Variants in RALYL observed in about 807,000 individuals in gnomAD.
RALYL encodes RNA-binding Raly-like protein.
RALYL carries 29 observed loss-of-function variants against 35.1 expected under a neutral mutation model. The ratio of observed to expected loss-of-function variants is 0.83; its 90% CI spans 0.61 to 1.13. RALYL has a LOEUF of 1.13. Among genes scored for constraint, RALYL ranks in the 50% most tolerant of loss-of-function variants. The pLI is 0.00. For missense variants in RALYL, 359 were observed against 360.4 expected (o/e 1.00, Z 0.03); for synonymous variants, 120 against 127.6 (o/e 0.94, Z 0.40).
At chr8:84,591,066 C>A (rs975378740) in intron 2 of RALYL, among the ~76,000 whole-genome samples, 1 of 152,032 alleles carries the variant, frequency 6.6e-6, no homozygotes. Context: ...TTAGAACATG[C>A]CGAAAGCATT....
At chr8:84,632,048 T>C (rs1460961840) in intron 2 of RALYL, among the ~76,000 whole-genome samples, 1 of 151,822 alleles carries the variant, frequency 6.6e-6, no homozygotes, top group African/African-American at 2.4e-5. Flanking sequence ...GGGCATCCTT[T>C]GGGAAGTGAT....
intron 2 of RALYL, among the ~76,000 whole-genome samples, chr8:84,727,214 T>A (rs946104624): frequency 6.6e-6 from 1 of 150,690 alleles, no homozygotes; most frequent in Non-Finnish European, 1.5e-5. Flanking sequence ...AAGATAATGT[T>A]ATCAAATGTT....
intron 1 of RALYL, among the ~76,000 whole-genome samples, chr8:84,319,813 G>C (rs1844456692): frequency 6.6e-6 from 1 of 151,890 alleles, no homozygotes; most frequent in Non-Finnish European, 1.5e-5. Flanking sequence ...ATATGTTTCT[G>C]TTACCCTTCC....
intron 1 of RALYL, among the ~76,000 whole-genome samples, chr8:84,406,172 T>C (rs2043475833): frequency 6.6e-6 from 1 of 152,172 alleles, no homozygotes; most frequent in South Asian, 2.1e-4. Flanking sequence ...ATGCTTACAT[T>C]TCCTAAGACA....
intron 2 of RALYL, among the ~76,000 whole-genome samples, chr8:84,689,230 C>T (rs567226992): frequency 2.0e-5 from 3 of 152,084 alleles, no homozygotes; most frequent in African/African-American, 4.8e-5. Context: ...CCTCCCCCAA[C>T]CCCCGACCGC....
intron 1 of RALYL, among the ~76,000 whole-genome samples, chr8:84,299,855 CTTCT>C (rs1260537151): frequency 2.6e-5 from 4 of 151,750 alleles, no homozygotes; most frequent in African/African-American, 9.7e-5. Flanking sequence ...CTCTCTTTTT[CTTCT>C]TTATTAGTCT....
chr8:84,463,713 GA>G (rs1490861426), intron 1 of RALYL, among the ~76,000 whole-genome samples: 1 of 151,966 alleles, frequency 6.6e-6, no homozygotes, highest in Non-Finnish European at 1.5e-5. Context: ...TGTTTTGAGA[GA>G]TTAACATTGA....
intron 4 of RALYL, among the ~76,000 whole-genome samples, chr8:84,845,539 AT>A (rs1177603758): frequency 1.3e-5 from 2 of 152,060 alleles, no homozygotes; most frequent in African/African-American, 4.8e-5. Context: ...TTGAAAATTT[AT>A]TTAAGTTTCT....
At chr8:84,339,396 A>T (rs1191207751) in intron 1 of RALYL, among the ~76,000 whole-genome samples, 1 of 151,920 alleles carries the variant, frequency 6.6e-6, no homozygotes, top group Non-Finnish European at 1.5e-5. Context: ...TGGCAGGATT[A>T]GATTCTCATA....
chr8:84,404,973 T>C (rs2043312648), intron 1 of RALYL, among the ~76,000 whole-genome samples: 2 of 152,138 alleles, frequency 1.3e-5, no homozygotes, highest in South Asian at 4.1e-4. Context: ...AATAAAACAT[T>C]CTTCATCAAA....
chr8:84,352,156 A>T (rs972344627), intron 1 of RALYL, among the ~76,000 whole-genome samples: 7 of 150,292 alleles, frequency 4.7e-5, no homozygotes, highest in African/African-American at 7.4e-5. Context: ...GGGGATATTA[A>T]AGACTTTTTT....
At chr8:84,651,512 A>C (rs1351797851) in intron 2 of RALYL, among the ~76,000 whole-genome samples, 1 of 152,018 alleles carries the variant, frequency 6.6e-6, no homozygotes, top group Non-Finnish European at 1.5e-5. Flanking sequence ...GGCAGCAATT[A>C]AATTTAGAGA....
intron 1 of RALYL, among the ~76,000 whole-genome samples, chr8:84,305,534 CAA>C (rs1841617430): frequency 6.6e-6 from 1 of 152,132 alleles, no homozygotes. Context: ...GCAAATGAAA[CAA>C]ATGAAGAAAA....
chr8:84,249,539 A>G (rs1443794243), intron 1 of RALYL, among the ~76,000 whole-genome samples: 1 of 152,156 alleles, frequency 6.6e-6, no homozygotes, highest in Non-Finnish European at 1.5e-5. Flanking sequence ...TATTTTTACA[A>G]TTCTACAATT....
intron 8 of RALYL, among the ~76,000 whole-genome samples, chr8:84,897,733 T>C (rs1844987380): frequency 6.6e-6 from 1 of 152,186 alleles, no homozygotes; most frequent in Non-Finnish European, 1.5e-5. Flanking sequence ...TTCATTAAAA[T>C]AACAACCGAA....
chr8:84,648,668 A>G (rs747623399), intron 2 of RALYL, among the ~76,000 whole-genome samples: 32 of 151,946 alleles, frequency 2.1e-4, no homozygotes, highest in Non-Finnish European at 3.8e-4. Context: ...ATTTCAAAAG[A>G]GGAAAATATT....
At chr8:84,474,266 TA>T (rs1398375459) in intron 1 of RALYL, among the ~76,000 whole-genome samples, 6 of 152,166 alleles carry the variant, frequency 3.9e-5, no homozygotes, top group Admixed American at 1.3e-4. Flanking sequence ...ATTTTAACAG[TA>T]CATGCTTTCC....
At chr8:84,403,607 C>T (rs1265249623) in intron 1 of RALYL, among the ~76,000 whole-genome samples, 3 of 128,648 alleles carry the variant, frequency 2.3e-5, no homozygotes, top group African/African-American at 5.8e-5. Flanking sequence ...AGTTTGAAGT[C>T]AGGTAGCGTG....
chr8:84,439,886 TG>T (rs1441335474), intron 1 of RALYL, among the ~76,000 whole-genome samples: 2 of 152,242 alleles, frequency 1.3e-5, no homozygotes, highest in Non-Finnish European at 2.9e-5. Context: ...AATAATCCTT[TG>T]CTCATGCATG....
Sources: gnomAD v4.1 joint callset for allele counts (sites outside exome capture counted in the v4.1 genomes callset) on GRCh38, gnomAD v4.1.1 for gene constraint, MANE v1.5 for transcripts, NCBI Gene and HGNC (gene_info 2026-07-23, HGNC 2026-07-21) for gene names.